Variants in GRM8 observed in about 807,000 individuals in gnomAD.
GRM8 encodes glutamate metabotropic receptor 8, also known as metabotropic glutamate receptor 8.
In GRM8, 47 loss-of-function variants were observed where a neutral mutation model predicts 87.2. The ratio of observed to expected loss-of-function variants is 0.54; its 90% CI spans 0.43 to 0.69. The LOEUF is 0.69. Among genes scored for constraint, GRM8 ranks in the 30% least tolerant of loss-of-function variants. GRM8 has a pLI of 0.00. For synonymous variants in GRM8, 396 were observed against 404.5 expected (o/e 0.98, Z 0.25); for missense variants, 1,019 against 1,139.2 (o/e 0.89, Z 1.52).
rs577652729 is a variant in GRM8 at position 127,224,682 on chromosome 7, T to A, written c.510+18013A>T. Among the ~76,000 whole-genome samples the A allele has an allele frequency of 2.1e-4, 32 of 152,386 alleles. No homozygotes were observed. The South Asian group carries it at 6.2e-3, about 30-fold the overall frequency. ...TCTTGAGTTTTCTAGATTCAGTTGA[T>A]GATTAAAAAATCATAACACTGTCTA... On this transcript the variant is annotated intron_variant, in intron 2 of 10. Transcript: ENST00000339582.
intron 6 of GRM8, among the ~76,000 whole-genome samples, chr7:126,794,524 G>A (rs986442976): frequency 5.3e-5 from 8 of 151,944 alleles, no homozygotes; most frequent in South Asian, 2.1e-4. Flanking sequence ...TTTTTCTTCC[G>A]AAAAACATCT....
intron 9 of GRM8, among the ~76,000 whole-genome samples, chr7:126,453,039 C>G (rs920975445): frequency 3.3e-5 from 5 of 151,002 alleles, no homozygotes; most frequent in African/African-American, 9.7e-5. Flanking sequence ...CTCTCAAAAT[C>G]AGCTTCAAGA....
chr7:127,022,346 G>A (rs1302306918), intron 3 of GRM8, among the ~76,000 whole-genome samples: 1 of 151,998 alleles, frequency 6.6e-6, no homozygotes, highest in Non-Finnish European at 1.5e-5. Flanking sequence ...TTTAAAAATG[G>A]AGATGTATTT....
At chr7:127,116,331 C>A (rs1826697680) in intron 2 of GRM8, among the ~76,000 whole-genome samples, 1 of 152,132 alleles carries the variant, frequency 6.6e-6, no homozygotes, top group Non-Finnish European at 1.5e-5. Flanking sequence ...ACATACACTT[C>A]TTCTAATAGT....
At chr7:126,740,035 C>T (rs1430208163) in intron 7 of GRM8, among the ~76,000 whole-genome samples, 1 of 152,054 alleles carries the variant, frequency 6.6e-6, no homozygotes, top group Non-Finnish European at 1.5e-5. Context: ...CAGAACATGC[C>T]CCCAACGTTA....
intron 7 of GRM8, among the ~76,000 whole-genome samples, chr7:126,677,154 C>T (rs1807043063): frequency 6.6e-6 from 1 of 152,016 alleles, no homozygotes; most frequent in Non-Finnish European, 1.5e-5. Context: ...CAATGAGATA[C>T]CACCTATTCA....
rs895658492 is a variant in GRM8 at position 127,212,686 on chromosome 7, G to T, written c.510+30009C>A. On this transcript the variant is annotated intron_variant, in intron 2 of 10. Transcript: ENST00000339582. ...CCCGCCTCGGCCTCCCAAAGTGCTG[G>T]GATTACAGGCGTGAGCCACCGCGCC... Among the ~76,000 whole-genome samples the T allele has an allele frequency of 5.9e-5, 9 of 152,020 alleles. No individual in the cohort carries two copies. In the South Asian group the frequency reaches 1.9e-3, roughly 32 times the overall value.
intron 9 of GRM8, among the ~76,000 whole-genome samples, chr7:126,471,239 A>C (rs1272213796): frequency 2.1e-5 from 3 of 144,280 alleles, no homozygotes; most frequent in Non-Finnish European, 4.6e-5. Context: ...CATTGCTTTT[A>C]GTGTTTTAGA....
At chr7:127,116,705 C>G (rs555046302) in intron 2 of GRM8, among the ~76,000 whole-genome samples, 2 of 152,312 alleles carry the variant, frequency 1.3e-5, no homozygotes, top group South Asian at 2.1e-4. Context: ...CAGATTGCCT[C>G]TCACTTGAGA....
At chr7:127,249,930 A>T (rs1177553355) in intron 1 of GRM8, among the ~76,000 whole-genome samples, 1 of 152,212 alleles carries the variant, frequency 6.6e-6, no homozygotes, top group Non-Finnish European at 1.5e-5. Flanking sequence ...GTCCAGGAAG[A>T]GAGAAATTCA....
At chr7:127,127,758 A>G (rs931071633) in intron 2 of GRM8, among the ~76,000 whole-genome samples, 1 of 152,088 alleles carries the variant, frequency 6.6e-6, no homozygotes, top group Non-Finnish European at 1.5e-5. Context: ...CATTTACACT[A>G]GGTGCATATT....
intron 2 of GRM8, among the ~76,000 whole-genome samples, chr7:127,184,804 T>C (rs1440258654): frequency 6.6e-6 from 1 of 151,940 alleles, no homozygotes; most frequent in African/African-American, 2.4e-5. Context: ...AGAAGGTTAA[T>C]ATACAAAAGT....
chr7:126,499,542 T>C (rs775004484), intron 9 of GRM8, among the ~76,000 whole-genome samples: 17 of 152,004 alleles, frequency 1.1e-4, no homozygotes, highest in Admixed American at 9.2e-4. Context: ...TTATTCACAA[T>C]AGTCAACCTA....
chr7:126,705,165 C>G (rs1050238860), intron 7 of GRM8, among the ~76,000 whole-genome samples: 2 of 152,096 alleles, frequency 1.3e-5, no homozygotes, highest in Non-Finnish European at 2.9e-5. Flanking sequence ...CTATCGGGGG[C>G]AGGTTCCCCA....
chr7:127,186,540 T>C (rs1794746713), intron 2 of GRM8, among the ~76,000 whole-genome samples: 1 of 152,176 alleles, frequency 6.6e-6, no homozygotes, highest in Non-Finnish European at 1.5e-5. Flanking sequence ...CCCAAGTTCC[T>C]AGCAGATAGC....
At chr7:126,837,314 T>C (rs1340757577) in intron 6 of GRM8, among the ~76,000 whole-genome samples, 1 of 152,228 alleles carries the variant, frequency 6.6e-6, no homozygotes, top group Non-Finnish European at 1.5e-5. Flanking sequence ...TATGCTACCA[T>C]GTTACATAAA....
intron 3 of GRM8, among the ~76,000 whole-genome samples, chr7:127,002,586 T>C (rs1813839572): frequency 6.6e-6 from 1 of 151,658 alleles, no homozygotes; most frequent in African/African-American, 2.4e-5. Context: ...CGAAGTATAA[T>C]AATTAGTAAA....
At chr7:126,502,428 G>A (rs183762206) in intron 9 of GRM8, among the ~76,000 whole-genome samples, 2 of 152,138 alleles carry the variant, frequency 1.3e-5, no homozygotes, top group East Asian at 3.9e-4. Flanking sequence ...AGATAGATCC[G>A]ATTGCTTAGT....
intron 3 of GRM8, among the ~76,000 whole-genome samples, chr7:127,062,180 G>A (rs1433141591): frequency 3.3e-5 from 5 of 151,396 alleles, no homozygotes; most frequent in Admixed American, 1.3e-4. Flanking sequence ...AAGAAAAGAA[G>A]ACGAAAGGCT....
Sources: allele counts gnomAD v4.1 joint callset (sites outside exome capture counted in the v4.1 genomes callset), GRCh38; gene constraint gnomAD v4.1.1; transcripts MANE v1.5; gene names NCBI Gene and HGNC (gene_info 2026-07-23, HGNC 2026-07-21).